Variants in HYCC1 observed in about 807,000 individuals in gnomAD.
HYCC1 encodes the protein hyccin PI4KA lipid kinase complex subunit 1.
the HYCC1 span, among the ~76,000 whole-genome samples, chr7:22,948,796 G>A: frequency 1.3e-5 from 2 of 152,048 alleles, no homozygotes; most frequent in Non-Finnish European, 2.9e-5. Flanking sequence ...GCTGAAGAAT[G>A]TTGGTGAGGT....
chr7:22,909,426 CTTG>C, the HYCC1 span, among the ~76,000 whole-genome samples: 1 of 152,176 alleles, frequency 6.6e-6, no homozygotes, highest in Non-Finnish European at 1.5e-5. Context: ...GCCAATTAAA[CTTG>C]TTTTCTTATT....
chr7:22,935,479 T>C, the HYCC1 span: 5 of 152,188 alleles, frequency 3.3e-5, no homozygotes, highest in Non-Finnish European at 4.4e-5. Flanking sequence ...GCCCAAAGCA[T>C]GGGAATTTCC....
chr7:22,974,520 T>C, the HYCC1 span, among the ~76,000 whole-genome samples: 1 of 152,186 alleles, frequency 6.6e-6, no homozygotes, highest in African/African-American at 2.4e-5. Context: ...CTTTTAAGGT[T>C]AGGAAATGTA....
the HYCC1 span, among the ~76,000 whole-genome samples, chr7:22,910,550 T>C: frequency 1.3e-5 from 2 of 152,350 alleles, no homozygotes; most frequent in East Asian, 1.9e-4. Context: ...TTATCTTTCT[T>C]AGCATAAAGA....
At chr7:22,938,911 G>T in the HYCC1 span, 1 of 152,104 alleles carries the variant, frequency 6.6e-6, no homozygotes, top group South Asian at 2.1e-4. Flanking sequence ...TCCTAATGCA[G>T]GCTGTCTTTA....
chr7:22,981,376 A>T, the HYCC1 span, among the ~76,000 whole-genome samples: 2 of 152,232 alleles, frequency 1.3e-5, no homozygotes, highest in Non-Finnish European at 2.9e-5. Context: ...CTCAAATTTC[A>T]AAAATTCTGG....
the HYCC1 span, among the ~76,000 whole-genome samples, chr7:22,970,814 C>T: frequency 1.3e-5 from 2 of 152,178 alleles, no homozygotes; most frequent in African/African-American, 4.8e-5. Context: ...AGCAATAAAG[C>T]TATATGCCAC....
At chr7:23,012,616 T>A in the HYCC1 span, among the ~76,000 whole-genome samples, 2 of 152,216 alleles carry the variant, frequency 1.3e-5, no homozygotes, top group Non-Finnish European at 2.9e-5. Context: ...TTTTCCTTCC[T>A]TGTCTTTGCC....
At chr7:22,947,274 T>C in the HYCC1 span, 3 of 1,534,370 alleles carry the variant, frequency 2.0e-6, no homozygotes, top group South Asian at 1.2e-5. Flanking sequence ...TAAGACAAAA[T>C]GATGGATGAA....
chr7:22,940,246 T>TG, the HYCC1 span: 3 of 62,448 alleles, frequency 4.8e-5, no homozygotes, highest in Non-Finnish European at 6.2e-5. Flanking sequence ...GTTTTTTTTT[T>TG]TTTTTTTTTT....
At chr7:23,002,261 G>T in the HYCC1 span, among the ~76,000 whole-genome samples, 1 of 150,290 alleles carries the variant, frequency 6.7e-6, no homozygotes, top group Non-Finnish European at 1.5e-5. Context: ...TGATCAAAGG[G>T]TACAGCAACT....
the HYCC1 span, among the ~76,000 whole-genome samples, chr7:22,980,892 C>T: frequency 6.6e-5 from 10 of 152,242 alleles, no homozygotes; most frequent in African/African-American, 1.7e-4. Context: ...CTAAAAGCGC[C>T]GCTTAAGCAA....
At chr7:22,938,968 G>C in the HYCC1 span, 1 of 151,798 alleles carries the variant, frequency 6.6e-6, no homozygotes. Context: ...ACTAGCAAAC[G>C]TAAGTGTGTA....
the HYCC1 span, chr7:22,938,820 G>A: frequency 3.7e-5 from 5 of 135,272 alleles, no homozygotes; most frequent in Non-Finnish European, 6.5e-5. Context: ...TAGAAATACA[G>A]GTTTCCATGC....
chr7:22,913,160 AC>A, the HYCC1 span, among the ~76,000 whole-genome samples: 1 of 152,144 alleles, frequency 6.6e-6, no homozygotes, highest in African/African-American at 2.4e-5. Context: ...CTGGGGTCAG[AC>A]TAAACCTAGT....
the HYCC1 span, among the ~76,000 whole-genome samples, chr7:22,963,506 A>G: frequency 6.6e-6 from 1 of 152,350 alleles, no homozygotes; most frequent in African/African-American, 2.4e-5. Context: ...GAAATTACTC[A>G]AACTGAAACA....
the HYCC1 span, among the ~76,000 whole-genome samples, chr7:22,898,373 C>A: frequency 7.9e-5 from 12 of 151,932 alleles, no homozygotes; most frequent in African/African-American, 2.7e-4. Context: ...ACCACCACAC[C>A]CAGCTAATTT....
At chr7:22,945,509 A>G in the HYCC1 span, 2 of 1,058,874 alleles carry the variant, frequency 1.9e-6, no homozygotes, top group South Asian at 1.3e-5. Context: ...AATACGGATG[A>G]AAGACCCAGG....
At chr7:22,986,868 A>C in the HYCC1 span, among the ~76,000 whole-genome samples, 7 of 152,146 alleles carry the variant, frequency 4.6e-5, no homozygotes, top group African/African-American at 1.7e-4. Context: ...AACAACAACA[A>C]CAAAATTTGA....
Sources: gnomAD v4.1 joint callset for allele counts (sites outside exome capture counted in the v4.1 genomes callset) on GRCh38, gnomAD v4.1.1 for gene constraint, MANE v1.5 for transcripts, NCBI Gene and HGNC (gene_info 2026-07-23, HGNC 2026-07-21) for gene names.